Variants in HMGB1 observed in about 807,000 individuals in gnomAD.
HMGB1 encodes the protein high mobility group box 1.
For missense variants in HMGB1, 79 were observed against 253.5 expected (o/e 0.31, Z 4.67); for synonymous variants, 81 against 84.0 (o/e 0.96, Z 0.19).
intron 1 of HMGB1, among the ~76,000 whole-genome samples, chr13:30,603,639 G>C (rs909358580): frequency 5.3e-5 from 8 of 152,248 alleles, no homozygotes; most frequent in African/African-American, 1.4e-4. Context: ...ATCTGCATGA[G>C]CAGCCCAGGT....
intron 1 of HMGB1, among the ~76,000 whole-genome samples, chr13:30,502,668 T>C (rs1396815984): frequency 6.6e-6 from 1 of 151,478 alleles, no homozygotes; most frequent in African/African-American, 2.4e-5. Context: ...TTTTATTTTA[T>C]TTTATTTTGA....
At chr13:30,613,628 A>T (rs1950533252) in intron 1 of HMGB1, among the ~76,000 whole-genome samples, 1 of 152,200 alleles carries the variant, frequency 6.6e-6, no homozygotes, top group Admixed American at 6.5e-5. Flanking sequence ...TCATATATAC[A>T]TACTTATGCA....
At chr13:30,510,154 A>G (rs1449228085) in intron 1 of HMGB1, among the ~76,000 whole-genome samples, 3 of 152,208 alleles carry the variant, frequency 2.0e-5, no homozygotes, top group Non-Finnish European at 4.4e-5. Flanking sequence ...TCATAGCCTC[A>G]GCCAGGTATC....
chr13:30,610,678 C>CT (rs572878851), intron 1 of HMGB1, among the ~76,000 whole-genome samples: 69 of 151,760 alleles, frequency 4.5e-4, no homozygotes, highest in Non-Finnish European at 7.4e-4. Flanking sequence ...AGTAACAAAA[C>CT]TGAGATTAAT....
Position 30,458,751 on chromosome 13 carries a change from T to A in HMGB1, c.*2606A>T, listed in dbSNP as rs1886117527. 6.6e-6 allele frequency: 1 copy of A among 152,168 alleles called. No homozygotes were observed. The highest frequency in any genetic ancestry group is 2.4e-5 in the African/African-American group (1 of 41,452). 9.4% of individuals were successfully genotyped at this position (152,168 alleles called of 1,614,324 possible). A position where few individuals can be genotyped will look rare whatever the true frequency, so the allele number is the denominator to read the frequency against. On this transcript the variant is annotated 3_prime_UTR_variant, in exon 5 of 5. Coordinates refer to ENST00000341423, the MANE Select transcript of HMGB1 (RefSeq NM_002128.7). ...TGTTACATGGGCGCTTTTCTTATCTTTATCATTTAATCATTACCCCTCGGG... is the reference window on the plus strand; with the variant it reads ...TGTTACATGGGCGCTTTTCTTATCTATATCATTTAATCATTACCCCTCGGG...
At chr13:30,598,877 T>TTA (rs920805408) in intron 1 of HMGB1, among the ~76,000 whole-genome samples, 4 of 137,844 alleles carry the variant, frequency 2.9e-5, no homozygotes, top group Non-Finnish European at 4.8e-5. Flanking sequence ...TGTAGATCTT[T>TTA]TATATATATA....
intron 1 of HMGB1, among the ~76,000 whole-genome samples, chr13:30,527,930 A>C (rs958503154): frequency 5.9e-5 from 9 of 152,160 alleles, no homozygotes; most frequent in African/African-American, 2.2e-4. Flanking sequence ...TCTCTTTTAA[A>C]ATTGAAATTT....
chr13:30,579,858 T>C (rs1870827185), intron 1 of HMGB1, among the ~76,000 whole-genome samples: 1 of 152,210 alleles, frequency 6.6e-6, no homozygotes, highest in African/African-American at 2.4e-5. Context: ...AGGTCATTGC[T>C]GGCATCTCAG....
chr13:30,600,074 C>T (rs1204562907), intron 1 of HMGB1, among the ~76,000 whole-genome samples: 1 of 152,214 alleles, frequency 6.6e-6, no homozygotes, highest in Non-Finnish European at 1.5e-5. Flanking sequence ...CAGGACTCAT[C>T]TATGGTGGTA....
chr13:30,532,646 C>T (rs1888522122), intron 1 of HMGB1, among the ~76,000 whole-genome samples: 1 of 152,016 alleles, frequency 6.6e-6, no homozygotes, highest in African/African-American at 2.4e-5. Flanking sequence ...GTAGCTGGGA[C>T]TACAGGCATG....
intron 1 of HMGB1, among the ~76,000 whole-genome samples, chr13:30,517,241 C>T (rs759100109): frequency 2.6e-5 from 4 of 152,204 alleles, no homozygotes; most frequent in Non-Finnish European, 5.9e-5. Context: ...CCAAAATATG[C>T]GTTTCTAACA....
chr13:30,556,824 G>A (rs180963283), intron 1 of HMGB1, among the ~76,000 whole-genome samples: 214 of 152,310 alleles, frequency 1.4e-3, no homozygotes, highest in Middle Eastern at 3.4e-3. Context: ...AAGTTCTAGT[G>A]TTCGACAGCA....
chr13:30,579,769 C>G (rs928320053), intron 1 of HMGB1, among the ~76,000 whole-genome samples: 1 of 152,076 alleles, frequency 6.6e-6, no homozygotes, highest in East Asian at 1.9e-4. Context: ...AACATGGTAC[C>G]TGGCACATAA....
At chr13:30,599,019 C>T (rs947030381) in intron 1 of HMGB1, among the ~76,000 whole-genome samples, 2 of 151,816 alleles carry the variant, frequency 1.3e-5, no homozygotes, top group African/African-American at 4.8e-5. Flanking sequence ...ACTATGTTGC[C>T]CAGGCTGGAC....
At chr13:30,546,084 T>C (rs1223987393) in intron 1 of HMGB1, among the ~76,000 whole-genome samples, 3 of 152,112 alleles carry the variant, frequency 2.0e-5, no homozygotes, top group Non-Finnish European at 4.4e-5. Flanking sequence ...TCACGGAAAG[T>C]TCTATGGCAC....
intron 1 of HMGB1, among the ~76,000 whole-genome samples, chr13:30,502,583 T>G (rs1312091208): frequency 1.3e-5 from 2 of 152,228 alleles, no homozygotes; most frequent in Non-Finnish European, 2.9e-5. Context: ...TACAGTCACA[T>G]TTTTTACTGT....
At chr13:30,533,457 T>C (rs1373524486) in intron 1 of HMGB1, among the ~76,000 whole-genome samples, 2 of 152,116 alleles carry the variant, frequency 1.3e-5, no homozygotes, top group African/African-American at 4.8e-5. Flanking sequence ...CTTCACCTCC[T>C]GGGTTCAAGT....
At chr13:30,575,010 AT>A (rs1870585475) in intron 1 of HMGB1, among the ~76,000 whole-genome samples, 1 of 152,188 alleles carries the variant, frequency 6.6e-6, no homozygotes, top group Non-Finnish European at 1.5e-5. Context: ...ATTCTGTATA[AT>A]TTTATCTTAA....
upstream of HMGB1, chr13:30,466,086 T>G (rs1197577039): frequency 3.1e-6 from 1 of 322,792 alleles, no homozygotes; most frequent in Non-Finnish European, 4.5e-6. Flanking sequence ...CGCGCAAATC[T>G]GAATGTGTGT....
Sources: allele counts gnomAD v4.1 joint callset (sites outside exome capture counted in the v4.1 genomes callset), GRCh38; gene constraint gnomAD v4.1.1; transcripts MANE v1.5; gene names NCBI Gene and HGNC (gene_info 2026-07-23, HGNC 2026-07-21).